The following DYDC1 variants were observed in gnomAD, a reference collection of about 807,000 sequenced individuals.
DYDC1 encodes DPY30 domain-containing protein 1.
In DYDC1, 21 loss-of-function variants were observed where a neutral mutation model predicts 27.9. The ratio of observed to expected loss-of-function variants is 0.75; its 90% CI spans 0.53 to 1.08. DYDC1 has a LOEUF of 1.08. Among genes scored for constraint, DYDC1 ranks in the 50% least tolerant of loss-of-function variants. The pLI is 0.00. For synonymous variants in DYDC1, 67 were observed against 65.8 expected, an observed-to-expected ratio of 1.02 and a Z score of -0.09; for missense variants, 202 against 205.9, an observed-to-expected ratio of 0.98 and a Z score of 0.12.
At chr10:80,345,915 T>C (rs1842592528) in intron 3 of DYDC1, among the ~76,000 whole-genome samples, 1 of 152,222 alleles carries the variant, frequency 6.6e-6, no homozygotes, top group South Asian at 2.1e-4. Context: ...GGGAGTGCAG[T>C]GGCACTGCCT....
intron 4 of DYDC1, among the ~76,000 whole-genome samples, chr10:80,341,988 C>T (rs1301998623): frequency 2.1e-5 from 3 of 142,256 alleles, no homozygotes; most frequent in Non-Finnish European, 3.0e-5. Context: ...TGTGCCATTG[C>T]ACTTCAGCCT....
In DYDC1 at chr10:80,344,527, T is replaced by C. The variant is rs1375755642; in HGVS notation, c.250-2166A>G. 2.6e-5 allele frequency among the ~76,000 whole-genome samples: 4 copies of C among 152,202 alleles called. No individual in the cohort carries two copies. The East Asian group carries it at 7.7e-4, about 29-fold the overall frequency. ...AAGTGACTGAAAAACCAAACCTCTA[T>C]GAATAGTCTTTGATATGGTTTGGCT... On this transcript the variant is annotated intron_variant, in intron 3 of 6. Transcript: ENST00000372202.
At chr10:80,353,108 C>T (rs1207361445) in intron 1 of DYDC1, among the ~76,000 whole-genome samples, 1 of 151,816 alleles carries the variant, frequency 6.6e-6, no homozygotes, top group African/African-American at 2.4e-5. Flanking sequence ...CCTCCTAAGC[C>T]ATGAGAGCCG....
At chr10:80,356,371 T>C (rs1843367786) in intron 1 of DYDC1, 1 of 985,618 alleles carries the variant, frequency 1.0e-6, no homozygotes, top group South Asian at 4.7e-5. Context: ...GGGAGACAGC[T>C]AGCCAGCCAG....
chr10:80,350,461 G>A (rs1842920412), intron 3 of DYDC1, among the ~76,000 whole-genome samples: 1 of 152,146 alleles, frequency 6.6e-6, no homozygotes, highest in Non-Finnish European at 1.5e-5. Context: ...GCTGCTGCAG[G>A]AAGCACCTGG....
chr10:80,346,344 T>A (rs1412314083), intron 3 of DYDC1, among the ~76,000 whole-genome samples: 2 of 151,634 alleles, frequency 1.3e-5, no homozygotes, highest in African/African-American at 4.8e-5. Context: ...AATACACCCA[T>A]ACCATTTTGC....
intron 2 of DYDC1, 42 bp from the exon 3 acceptor site, chr10:80,352,044 G>C (rs752121044): frequency 1.3e-6 from 2 of 1,591,426 alleles, no homozygotes; most frequent in South Asian, 1.1e-5. Context: ...TTCTTAGCGA[G>C]AAAGCAATTT....
chr10:80,348,029 G>T (rs1241011169), intron 3 of DYDC1, among the ~76,000 whole-genome samples: 2 of 152,132 alleles, frequency 1.3e-5, no homozygotes, highest in African/African-American at 4.8e-5. Context: ...AGATGAATCT[G>T]CAGATTACTT....
chr10:80,353,839 ATATC>A (rs1843165816), intron 1 of DYDC1, among the ~76,000 whole-genome samples: 1 of 152,072 alleles, frequency 6.6e-6, no homozygotes, highest in Non-Finnish European at 1.5e-5. Context: ...AATAATGATA[ATATC>A]TCTTTTCTGA....
chr10:80,346,108 A>G (rs991161415), intron 3 of DYDC1, among the ~76,000 whole-genome samples: 4 of 152,222 alleles, frequency 2.6e-5, no homozygotes, highest in African/African-American at 9.7e-5. Context: ...TCGGCCTCCC[A>G]AAGTACTGGG....
In DYDC1 at chr10:80,340,678, CT is replaced by C. The variant is rs1253486338; in HGVS notation, c.343-1526del. Among the ~76,000 whole-genome samples, 6 of 152,122 alleles carry C rather than the reference CT, an allele frequency of 3.9e-5. No homozygotes were observed. The South Asian group carries it at 8.3e-4, about 21-fold the overall frequency. On this transcript the variant is annotated intron_variant, in intron 4 of 6. Coordinates refer to ENST00000372202, the MANE Select transcript of DYDC1 (RefSeq NM_001269053.2). ...TCTCTTTCAGTTTAGATCCGTGAAT[CT>C]TTTTCAAAATTTCTTTAATTTTTAA... is the stretch of plus-strand genomic sequence containing the variant.
chr10:80,352,555 T>G lies in DYDC1; in HGVS notation c.47A>C (p.Gln16Pro). ...LQKHLGACLT[Q>P]GLAEVARVRP... is the part of the protein sequence containing the mutation. ...AACTCTTGCCACTTCTGCAAGACCT[T>G]GAGTTAAACAGGCCCCAAGGTGCTT... The change falls in exon 2 of 7, where the codon CAA becomes CCA. Residue 16 changes from glutamine to proline, a missense_variant. Gln to Pro is a moderately conservative substitution (Grantham distance 76). Transcript: ENST00000372202. 1 of 1,613,490 alleles carries G rather than the reference T, an allele frequency of 6.2e-7. No individual in the cohort carries two copies. Among genetic ancestry groups the G allele is most frequent in the Non-Finnish European group, 8.5e-7 (1 of 1,179,806 alleles).
chr10:80,338,643 A>T, intron 5 of DYDC1, 72 bp from the exon 6 acceptor site: 1 of 1,395,152 alleles, frequency 7.2e-7, no homozygotes, highest in Non-Finnish European at 9.4e-7. Context: ...TTCAATTTTG[A>T]TTAAAAATTT....
intron 1 of DYDC1, 70 bp downstream of exon 1, chr10:80,356,642 T>A: frequency 1.0e-6 from 1 of 985,108 alleles, no homozygotes; most frequent in Non-Finnish European, 1.2e-6. Flanking sequence ...GAACCGCCTC[T>A]GCCCGCCGGA....
chr10:80,349,600 G>A (rs749517001), intron 3 of DYDC1, among the ~76,000 whole-genome samples: 16 of 152,174 alleles, frequency 1.1e-4, no homozygotes, highest in Non-Finnish European at 2.4e-4. Flanking sequence ...AAAAGTGATG[G>A]GGTAGGTAGC....
chr10:80,352,121 T>A, intron 2 of DYDC1, 119 bp from the exon 3 acceptor site: 1 of 884,442 alleles, frequency 1.1e-6, no homozygotes. Context: ...TTATAGCCCA[T>A]CCCTGTGGAA....
chr10:80,336,562 A>C (rs1013052314), intron 6 of DYDC1, among the ~76,000 whole-genome samples: 1 of 152,180 alleles, frequency 6.6e-6, no homozygotes, highest in Non-Finnish European at 1.5e-5. Context: ...TATGCCCATG[A>C]CTGCTGAATT....
intron 1 of DYDC1, among the ~76,000 whole-genome samples, chr10:80,355,323 A>G (rs1843297750): frequency 6.6e-6 from 1 of 151,872 alleles, no homozygotes; most frequent in Non-Finnish European, 1.5e-5. Flanking sequence ...GATGAACCCC[A>G]GGATGTCAGT....
chr10:80,342,607 G>A (rs1314105313), intron 3 of DYDC1, among the ~76,000 whole-genome samples: 1 of 152,164 alleles, frequency 6.6e-6, no homozygotes, highest in Non-Finnish European at 1.5e-5. Flanking sequence ...AAATGAGATT[G>A]CAACAATTTT....
Sources: allele counts gnomAD v4.1 joint callset (sites outside exome capture counted in the v4.1 genomes callset), GRCh38; gene constraint gnomAD v4.1.1; transcripts MANE v1.5; gene names NCBI Gene and HGNC (gene_info 2026-07-23, HGNC 2026-07-21).